IL17REL: variants seen among roughly 807,000 people sequenced by gnomAD.
IL17REL encodes interleukin 17 receptor E like.
A neutral mutation model predicts 49.0 loss-of-function variants in IL17REL; 36 were observed. The observed-to-expected ratio is 0.73, with a 90% CI of 0.56 to 0.97. IL17REL has a LOEUF of 0.97. IL17REL is among the 50% of genes least tolerant of loss of function. The pLI, the probability that IL17REL is intolerant of heterozygous loss-of-function variation, is 0.00. For missense variants in IL17REL, 470 were observed against 453.9 expected (o/e 1.04, Z -0.32); for synonymous variants, 206 against 192.4 (o/e 1.07, Z -0.58).
intron 1 of IL17REL, among the ~76,000 whole-genome samples, chr22:50,004,970 T>TA (rs11455056): frequency 0.14 from 7,302 of 51,852 alleles, 471 homozygotes; most frequent in African/African-American, 0.29. Flanking sequence ...AACCAGAAAG[T>TA]AAAAAAAAAA....
chr22:50,010,940 C>T (rs1043769047), upstream of IL17REL, among the ~76,000 whole-genome samples: 4 of 151,994 alleles, frequency 2.6e-5, no homozygotes, highest in South Asian at 4.1e-4. Context: ...GGCGGCTGCT[C>T]GCGGCCCCAC....
downstream of IL17REL, among the ~76,000 whole-genome samples, chr22:49,993,266 G>T (rs1005425637): frequency 6.6e-6 from 1 of 152,332 alleles, no homozygotes; most frequent in East Asian, 1.9e-4. The surrounding 1 kb of genome is among the most constrained non-coding windows in gnomAD (Gnocchi z 6.0). Flanking sequence ...GCAGGCGGGC[G>T]TCCAAGGCTC....
upstream of IL17REL, among the ~76,000 whole-genome samples, chr22:50,011,637 C>T (rs1362968501): frequency 6.6e-6 from 1 of 152,112 alleles, no homozygotes; most frequent in Admixed American, 6.6e-5. Context: ...GACACCCCTC[C>T]CACCTGAACC....
upstream of IL17REL, chr22:50,012,757 GACAA>G (rs1197145350): frequency 1.3e-5 from 2 of 152,244 alleles, no homozygotes. Flanking sequence ...CAGCCCCAAA[GACAA>G]ACAGAGGGTG....
chr22:49,997,917 G>A, intron 9 of IL17REL, 108 bp downstream of exon 11: 2 of 1,476,366 alleles, frequency 1.4e-6, no homozygotes, highest in South Asian at 1.2e-5. Flanking sequence ...AGGGACGCCT[G>A]GGAGGCTAGG....
At chr22:50,002,924 G>A (rs913847825) in intron 1 of IL17REL, among the ~76,000 whole-genome samples, 6 of 152,226 alleles carry the variant, frequency 3.9e-5, no homozygotes, top group Non-Finnish European at 5.9e-5. Context: ...ACAAGTGGGC[G>A]TGAGAAAGTG....
At chr22:50,008,424 C>T (rs114592430) in intron 1 of IL17REL, among the ~76,000 whole-genome samples, 5 of 152,318 alleles carry the variant, frequency 3.3e-5, no homozygotes, top group African/African-American at 1.2e-4. Context: ...GGCAGGCCCA[C>T]CTCTGGCCAG....
At chr22:49,997,734 G>A in exon 10 of IL17REL, 1 of 1,613,924 alleles carries the variant, frequency 6.2e-7, no homozygotes, top group Middle Eastern at 1.6e-4. Flanking sequence ...ACCCCCAACT[G>A]GTAGAGAACT....
At chr22:50,011,722 G>A (rs1450811809), upstream of IL17REL, among the ~76,000 whole-genome samples, 2 of 152,074 alleles carry the variant, frequency 1.3e-5, no homozygotes, top group Non-Finnish European at 2.9e-5. Context: ...AATGCCCTGT[G>A]GATCTGAGCC....
At chr22:50,000,389 G>A (rs573298943) in intron 4 of IL17REL, 89 bp downstream of exon 5, 9 of 976,314 alleles carry the variant, frequency 9.2e-6, no homozygotes, top group Non-Finnish European at 1.5e-5. Flanking sequence ...CAGTGTGAGG[G>A]CCAGGCCCCT....
In IL17REL at chr22:49,998,066, G is replaced by A; in HGVS notation, c.778C>T (p.Gln260Ter). Residue 260 changes from glutamine (Q) to a stop codon, truncating the protein, a stop_gained, in exon 9 of 13, where the codon CAG becomes TAG. Transcript: ENST00000341280. LOFTEE classifies it high-confidence loss of function. ...GGCTGGGTGTCCACCAGCGGGTACT[G>A]CACCTGAGGAGGGCTGGGGTCAGGC... The A allele has an allele frequency of 1.3e-6, 2 of 1,594,186 alleles. No individual in the cohort carries two copies. The highest frequency in any genetic ancestry group is 4.5e-5 in the East Asian group (2 of 44,776).
chr22:50,009,533 G>T (rs2061127365), upstream of IL17REL, among the ~76,000 whole-genome samples: 1 of 151,954 alleles, frequency 6.6e-6, no homozygotes, highest in Admixed American at 6.6e-5. Flanking sequence ...CCTGGGGGCG[G>T]CCACTGAGCC....
chr22:49,997,425 G>A (rs996666648), intron 10 of IL17REL: 1 of 1,612,630 alleles, frequency 6.2e-7, no homozygotes, highest in Admixed American at 1.7e-5. Flanking sequence ...GGCTGGACGA[G>A]AAGAAGGTGA....
chr22:49,996,808 C>T (rs1005077297), exon 13 of IL17REL: 10 of 521,766 alleles, frequency 1.9e-5, no homozygotes, highest in Non-Finnish European at 3.0e-5. Flanking sequence ...CCCACTGGAG[C>T]GGAGGTTGCA....
At chr22:49,997,527 C>T in intron 10 of IL17REL, 44 bp from the exon 13 acceptor site, 1 of 1,344,284 alleles carries the variant, frequency 7.4e-7, no homozygotes, top group Non-Finnish European at 1.0e-6. Context: ...CCCAGCACCC[C>T]ACCGCCTCCC....
exon 4 of IL17REL, chr22:50,000,506 G>T (rs762702965): frequency 6.2e-7 from 1 of 1,613,422 alleles, no homozygotes. Context: ...GGTCCAGCTG[G>T]ACCCCGCAGA....
intron 7 of IL17REL, among the ~76,000 whole-genome samples, chr22:49,998,661 G>C (rs1191733796): frequency 6.7e-6 from 1 of 149,460 alleles, no homozygotes; most frequent in Non-Finnish European, 1.5e-5. Flanking sequence ...TGGGTGTCAT[G>C]GGTATGGGTG....
At chr22:50,010,316 A>G (rs2061132417), upstream of IL17REL, among the ~76,000 whole-genome samples, 1 of 152,196 alleles carries the variant, frequency 6.6e-6, no homozygotes, top group Non-Finnish European at 1.5e-5. Context: ...CGCCCAGGCA[A>G]AAGGGGCCGG....
At chr22:49,997,508 C>A (rs2061043940) in intron 10 of IL17REL, 25 bp from the exon 13 acceptor site, 3 of 1,400,204 alleles carry the variant, frequency 2.1e-6, no homozygotes, top group East Asian at 2.4e-5. Context: ...GGGTGAGACC[C>A]CCATCCGGCC....
Sources: gnomAD v4.1 joint callset for allele counts (sites outside exome capture counted in the v4.1 genomes callset) on GRCh38, gnomAD v4.1.1 for gene constraint, Gnocchi (gnomAD v3.1) non-coding constraint, MANE v1.5 for transcripts, NCBI Gene and HGNC (gene_info 2026-07-23, HGNC 2026-07-21) for gene names.